The following MROH9 variants were observed in gnomAD, a reference collection of about 807,000 sequenced individuals.
The protein encoded by MROH9 is maestro heat like repeat family member 9.
MROH9 carries 92 observed loss-of-function variants against 98.2 expected under a neutral mutation model. That is an observed-to-expected ratio of 0.94 (90% confidence interval 0.79 to 1.11). The LOEUF (loss-of-function observed/expected upper bound fraction) is 1.11, where lower values mean the gene tolerates loss of function less well. MROH9 is among the 50% of genes most tolerant of loss of function. The pLI is 0.00. For missense variants in MROH9, 1,057 were observed against 1,014.8 expected (o/e 1.04, Z -0.57); for synonymous variants, 397 against 368.9 (o/e 1.08, Z -0.87).
At chr1:171,052,898 T>C (rs896763903) in intron 20 of MROH9, among the ~76,000 whole-genome samples, 2 of 152,024 alleles carry the variant, frequency 1.3e-5, no homozygotes, top group Non-Finnish European at 2.9e-5. Context: ...ATTCTTTGCA[T>C]AGGAAGGGAA....
At chr1:170,983,371 A>G in intron 8 of MROH9, 51 bp from the exon 9 acceptor site, 1 of 1,326,378 alleles carries the variant, frequency 7.5e-7, no homozygotes, top group Non-Finnish European at 1.1e-6. Context: ...ATGTCATAGA[A>G]CAAACAAGTG....
chr1:171,019,958 C>T (rs984432963), intron 17 of MROH9, among the ~76,000 whole-genome samples: 8 of 152,072 alleles, frequency 5.3e-5, no homozygotes, highest in African/African-American at 1.7e-4. Context: ...CCCAGCACTG[C>T]AAACTACCAT....
chr1:171,054,894 C>T (rs895831468), intron 20 of MROH9, among the ~76,000 whole-genome samples: 1 of 152,118 alleles, frequency 6.6e-6, no homozygotes, highest in Non-Finnish European at 1.5e-5. Flanking sequence ...AACACTTTTA[C>T]ACTGCTGGTG....
At chr1:170,956,170 T>A (rs2101885294) in intron 3 of MROH9, among the ~76,000 whole-genome samples, 1 of 152,322 alleles carries the variant, frequency 6.6e-6, no homozygotes, top group Non-Finnish European at 1.5e-5. Flanking sequence ...GTTCCATTGG[T>A]CTATGTGCCT....
intron 10 of MROH9, among the ~76,000 whole-genome samples, chr1:170,988,403 G>C (rs965780985): frequency 2.0e-5 from 3 of 152,144 alleles, no homozygotes; most frequent in African/African-American, 7.2e-5. Flanking sequence ...AAAGGTGAAG[G>C]GCAAGAGTCA....
intron 2 of MROH9, among the ~76,000 whole-genome samples, chr1:170,946,496 A>G (rs1649336589): frequency 2.0e-5 from 3 of 151,998 alleles, no homozygotes; most frequent in Non-Finnish European, 4.4e-5. Flanking sequence ...GGTGAAATCC[A>G]AATAAAGTCT....
intron 13 of MROH9, 93 bp from the exon 14 acceptor site, chr1:170,996,414 C>T (rs1651566949): frequency 7.1e-7 from 1 of 1,404,848 alleles, no homozygotes; most frequent in Non-Finnish European, 9.7e-7. Context: ...AACCTATATT[C>T]TGCCCAAGAT....
chr1:170,993,337 G>C (rs1045922177), intron 12 of MROH9, among the ~76,000 whole-genome samples: 6 of 152,128 alleles, frequency 3.9e-5, no homozygotes, highest in Non-Finnish European at 8.8e-5. Context: ...TATGTCATTT[G>C]TTTGCATTGA....
At chr1:171,039,695 G>A (rs1653232956) in intron 20 of MROH9, among the ~76,000 whole-genome samples, 2 of 152,064 alleles carry the variant, frequency 1.3e-5, no homozygotes, top group Non-Finnish European at 2.9e-5. Flanking sequence ...TTTGACATTA[G>A]GGGGAATTAA....
At chr1:170,945,444 C>A in intron 1 of MROH9, 76 bp from the exon 2 acceptor site, 1 of 898,504 alleles carries the variant, frequency 1.1e-6, no homozygotes, top group Non-Finnish European at 1.8e-6. Flanking sequence ...ATCATAGTAC[C>A]ATCCATATTG....
rs1312114867 is a variant in MROH9 at position 170,959,515 on chromosome 1, C to T, written c.206C>T (p.Ser69Phe). Reference protein sequence around the residue: ...FESQLKIIESSFGMLVVMPSL... With the variant: ...FESQLKIIESFFGMLVVMPSL... ...TCTCAGTTGAAGATAATAGAGTCAT[C>T]CTTTGGAATGCTAGTTGTCATGCCA... Residue 69 changes from serine to phenylalanine, a missense_variant, in exon 5 of 22, where the codon TCC becomes TTC. Transcript: ENST00000367759. 6.2e-7 allele frequency: 1 copy of T among 1,613,486 alleles called. No individual in the cohort carries two copies. Among genetic ancestry groups the T allele is most frequent in the African/African-American group, 1.3e-5 (1 of 75,006 alleles).
chr1:171,035,097 T>C lies in MROH9; in HGVS notation c.2281+9677T>C, dbSNP rs1002795852. Among the ~76,000 whole-genome samples the C allele has an allele frequency of 5.3e-5, 8 of 152,194 alleles. No individual in the cohort carries two copies. The East Asian group carries it at 1.5e-3, about 29-fold the overall frequency. The stretch of plus-strand genomic sequence containing the variant: ...AAAACTTTTAGAAGAAAATGTAAGA[T>C]AATATCTTCATAACTGAAGATAAAC... On this transcript the variant is annotated intron_variant, in intron 20 of 21. Transcript: ENST00000367759.
At chr1:171,059,146 A>T (rs184054298) in intron 20 of MROH9, among the ~76,000 whole-genome samples, 1 of 152,260 alleles carries the variant, frequency 6.6e-6, no homozygotes, top group East Asian at 1.9e-4. Context: ...TTTACAAGAA[A>T]AAAACAAGTA....
At chr1:171,056,229 A>T (rs1192242759) in intron 20 of MROH9, among the ~76,000 whole-genome samples, 2 of 152,166 alleles carry the variant, frequency 1.3e-5, no homozygotes, top group Admixed American at 1.3e-4. Flanking sequence ...CAACTGCCTA[A>T]CATGTTAAGC....
chr1:170,947,112 T>G (rs1266861996), intron 2 of MROH9, among the ~76,000 whole-genome samples: 5 of 151,942 alleles, frequency 3.3e-5, no homozygotes, highest in Non-Finnish European at 7.4e-5. Flanking sequence ...ATCTATCACA[T>G]TAAGACATGA....
At chr1:171,049,573 G>A (rs55817812) in intron 20 of MROH9, among the ~76,000 whole-genome samples, 18,326 of 151,960 alleles carry the variant, frequency 0.12, 1,207 homozygotes, top group Middle Eastern at 0.22. Context: ...CCATCACCTT[G>A]CTCCACCCCC....
chr1:170,955,094 A>G (rs1649708035), intron 3 of MROH9, among the ~76,000 whole-genome samples: 1 of 152,126 alleles, frequency 6.6e-6, no homozygotes, highest in Non-Finnish European at 1.5e-5. Flanking sequence ...TACTTTACTT[A>G]GAATAGTAGT....
Position 170,996,659 on chromosome 1 carries a change from C to A in MROH9, c.1475+15C>A, listed in dbSNP as rs945611663. Reference sequence around the variant, plus strand: ...TTTATTGCTAAGTAAGAACAGGGGTCTCTGTGTAGGATTCTTGGTCTCTAT... The same window carrying A: ...TTTATTGCTAAGTAAGAACAGGGGTATCTGTGTAGGATTCTTGGTCTCTAT... On this transcript the variant is annotated intron_variant, in intron 14 of 21. Transcript: ENST00000367759. 2.5e-6 allele frequency: 4 copies of A among 1,612,426 alleles called. No homozygotes were observed. The East Asian group carries it at 6.7e-5, about 27-fold the overall frequency.
chr1:171,048,011 T>C (rs1653519730), intron 20 of MROH9, among the ~76,000 whole-genome samples: 1 of 152,172 alleles, frequency 6.6e-6, no homozygotes, highest in South Asian at 2.1e-4. Context: ...AAACATATTC[T>C]CTCTGTCTCT....
Sources: gnomAD v4.1 joint callset for allele counts (sites outside exome capture counted in the v4.1 genomes callset) on GRCh38, gnomAD v4.1.1 for gene constraint, MANE v1.5 for transcripts, NCBI Gene and HGNC (gene_info 2026-07-23, HGNC 2026-07-21) for gene names.